Variants in MCOLN2 observed in about 807,000 individuals in gnomAD.
MCOLN2 encodes mucolipin-2.
In MCOLN2, 57 loss-of-function variants were observed where a neutral mutation model predicts 67.5. The observed-to-expected ratio is 0.84, with a 90% CI of 0.68 to 1.05. MCOLN2 has a LOEUF of 1.05. MCOLN2 is among the 50% of genes least tolerant of loss of function. The pLI is 0.00. For synonymous variants in MCOLN2, 246 were observed against 233.3 expected (o/e 1.05, Z -0.50); for missense variants, 620 against 678.8 (o/e 0.91, Z 0.96).
intron 1 of MCOLN2, among the ~76,000 whole-genome samples, chr1:84,986,447 G>A (rs1209112948): frequency 1.3e-5 from 2 of 151,338 alleles, no homozygotes; most frequent in African/African-American, 4.9e-5. Flanking sequence ...GGAGGCTGAG[G>A]CAGGAGAATC....
intron 4 of MCOLN2, among the ~76,000 whole-genome samples, chr1:84,954,675 G>A (rs1487993272): frequency 6.6e-6 from 1 of 152,172 alleles, no homozygotes; most frequent in Non-Finnish European, 1.5e-5. Context: ...GCACTGAGGA[G>A]GTTGACCTCT....
chr1:84,969,502 C>G (rs1451714195), intron 1 of MCOLN2, among the ~76,000 whole-genome samples: 4 of 147,232 alleles, frequency 2.7e-5, no homozygotes, highest in African/African-American at 1.0e-4. Flanking sequence ...ACCTGGGAGG[C>G]AGAGGTTGCA....
intron 1 of MCOLN2, among the ~76,000 whole-genome samples, chr1:84,980,039 T>C (rs1650177893): frequency 6.6e-6 from 1 of 151,956 alleles, no homozygotes; most frequent in South Asian, 2.1e-4. Context: ...GAGTAAGCAA[T>C]CTGAAAAAGA....
At chr1:84,989,733 G>A (rs1395624103) in intron 1 of MCOLN2, among the ~76,000 whole-genome samples, 1 of 152,006 alleles carries the variant, frequency 6.6e-6, no homozygotes, top group Non-Finnish European at 1.5e-5. Context: ...AAAGAGATTT[G>A]GAGAAAAATG....
At chr1:84,971,821 G>A (rs1033867023) in intron 1 of MCOLN2, 1 of 152,140 alleles carries the variant, frequency 6.6e-6, no homozygotes, top group South Asian at 2.1e-4. Context: ...CAGCACTTTC[G>A]GAGGCCAGGG....
At chr1:84,975,016 C>T (rs1037004529) in intron 1 of MCOLN2, among the ~76,000 whole-genome samples, 26 of 152,122 alleles carry the variant, frequency 1.7e-4, no homozygotes, top group African/African-American at 6.3e-4. Context: ...AGCTCAGGCA[C>T]GATACAATAG....
intron 13 of MCOLN2, among the ~76,000 whole-genome samples, chr1:84,927,328 G>T (rs1265719425): frequency 2.0e-5 from 3 of 150,878 alleles, no homozygotes; most frequent in African/African-American, 7.3e-5. Context: ...TAAATTACTA[G>T]AACAGCCAAT....
intron 6 of MCOLN2, among the ~76,000 whole-genome samples, chr1:84,951,315 T>A (rs1352855017): frequency 1.3e-5 from 2 of 152,300 alleles, no homozygotes; most frequent in African/African-American, 2.4e-5. Flanking sequence ...AAGGACAGTA[T>A]ATACAACTTT....
At chr1:84,979,328 T>C (rs1043852009) in intron 1 of MCOLN2, among the ~76,000 whole-genome samples, 7 of 152,122 alleles carry the variant, frequency 4.6e-5, no homozygotes, top group African/African-American at 1.7e-4. Context: ...ACTCATCCTA[T>C]GAGGCCAGTA....
At position 84,939,649 on chromosome 1, in the gene MCOLN2, G is replaced by C; in HGVS notation, c.1014C>G (p.Asp338Glu). 2 of 1,614,050 alleles carry C rather than the reference G, an allele frequency of 1.2e-6. No homozygotes were observed. Among genetic ancestry groups the C allele is most frequent in the Non-Finnish European group, 1.7e-6 (2 of 1,179,930 alleles). ...EKYKRPVCDT[D>E]QWEFINGWYV... is the part of the protein sequence containing the mutation. ...ACCAGCCGTTGATGAACTCCCACTG[G>C]TCGGTGTCACACACAGGCCGCTTGT... The change falls in exon 9 of 14, where the codon GAC (aspartate) becomes GAG (glutamate). Residue 338 changes from aspartate to glutamate, a missense_variant. Asp to Glu is a conservative substitution (Grantham distance 45). Transcript: ENST00000370608.
In MCOLN2 at chr1:84,939,680, T is replaced by C; in HGVS notation, c.983A>G (p.Glu328Gly). ...LRKRFLNFFLEKYKRPVCDTD... is the reference protein window; with the variant it reads ...LRKRFLNFFLGKYKRPVCDTD... The stretch of plus-strand genomic sequence containing the variant: ...GTCACACACAGGCCGCTTGTACTTC[T>C]CCAGGAAGAAATTTAGAAATCTCTA... The change falls in exon 9 of 14, where the codon GAG (glutamate) becomes GGG (glycine). Residue 328 changes from glutamate (E) to glycine (G), a missense_variant. Glu to Gly is a moderately conservative substitution (Grantham distance 98). Coordinates refer to ENST00000370608, the MANE Select transcript of MCOLN2 (RefSeq NM_153259.4). The C allele has an allele frequency of 3.7e-6, 6 of 1,614,020 alleles. No homozygotes were observed. The highest frequency in any genetic ancestry group is 5.1e-6 in the Non-Finnish European group (6 of 1,179,972).
At chr1:84,986,123 C>T (rs960905857) in intron 1 of MCOLN2, among the ~76,000 whole-genome samples, 6 of 152,052 alleles carry the variant, frequency 3.9e-5, no homozygotes, top group African/African-American at 1.4e-4. Context: ...GAATAGAGAA[C>T]CCAGAAATAA....
chr1:84,970,210 A>G (rs1342890351), intron 1 of MCOLN2, among the ~76,000 whole-genome samples: 4 of 152,046 alleles, frequency 2.6e-5, no homozygotes, highest in Non-Finnish European at 5.9e-5. Context: ...AATGGTGTAC[A>G]CTGAATTCTC....
At chr1:84,950,830 G>A (rs554235110) in intron 6 of MCOLN2, among the ~76,000 whole-genome samples, 2 of 152,276 alleles carry the variant, frequency 1.3e-5, no homozygotes, top group East Asian at 1.9e-4. Context: ...ATACCTGTAA[G>A]TTATGATTAA....
intron 1 of MCOLN2, among the ~76,000 whole-genome samples, chr1:84,985,349 C>A (rs1286096726): frequency 6.6e-6 from 1 of 152,200 alleles, no homozygotes; most frequent in Non-Finnish European, 1.5e-5. Context: ...CCAGGACACC[C>A]CCCTCCTCTT....
intron 1 of MCOLN2, 131 bp downstream of exon 1, chr1:84,996,665 A>C (rs1224651707): frequency 2.7e-6 from 2 of 754,004 alleles, no homozygotes; most frequent in Non-Finnish European, 4.4e-6. Context: ...GCCTTATTTA[A>C]CTAACTGCAA....
intron 6 of MCOLN2, among the ~76,000 whole-genome samples, chr1:84,951,630 C>A (rs998400715): frequency 1.3e-5 from 2 of 152,210 alleles, no homozygotes; most frequent in Admixed American, 1.3e-4. Flanking sequence ...ATGTAAAACA[C>A]CTTCATAAAC....
intron 11 of MCOLN2, 162 bp downstream of exon 11, chr1:84,937,593 C>T: frequency 7.1e-7 from 1 of 1,406,788 alleles, no homozygotes; most frequent in Non-Finnish European, 9.3e-7. Context: ...ACTTCTATAT[C>T]CTGAAAAGGA....
intron 2 of MCOLN2, among the ~76,000 whole-genome samples, chr1:84,963,134 C>A (rs1229697683): frequency 6.6e-6 from 1 of 152,182 alleles, no homozygotes; most frequent in African/African-American, 2.4e-5. Context: ...GGATTGTAAG[C>A]AAATTACTTA....
Sources: allele counts gnomAD v4.1 joint callset (sites outside exome capture counted in the v4.1 genomes callset), GRCh38; gene constraint gnomAD v4.1.1; transcripts MANE v1.5; gene names NCBI Gene and HGNC (gene_info 2026-07-23, HGNC 2026-07-21).